ARSJ: variants seen among roughly 807,000 people sequenced by gnomAD.
ARSJ encodes arylsulfatase J.
A neutral mutation model predicts 35.9 loss-of-function variants in ARSJ; 26 were observed. That is an observed-to-expected ratio of 0.72 (90% CI 0.53 to 1.00). The LOEUF is 1.00. ARSJ is among the 50% of genes least tolerant of loss of function. The pLI is 0.00. For synonymous variants in ARSJ, 294 were observed against 267.6 expected, an observed-to-expected ratio of 1.10 and a Z score of -0.96; for missense variants, 667 against 723.6, an observed-to-expected ratio of 0.92 and a Z score of 0.90.
At chr4:113,971,348 T>G (rs2110335516) in intron 1 of ARSJ, among the ~76,000 whole-genome samples, 1 of 152,340 alleles carries the variant, frequency 6.6e-6, no homozygotes, top group Non-Finnish European at 1.5e-5. Context: ...GTCAGCCTTC[T>G]GCGCCTGGAT....
At chr4:113,924,765 T>C (rs918656698) in intron 1 of ARSJ, among the ~76,000 whole-genome samples, 1 of 152,168 alleles carries the variant, frequency 6.6e-6, no homozygotes, top group Non-Finnish European at 1.5e-5. Flanking sequence ...GTGTTATACA[T>C]GCACAAACAT....
At chr4:113,971,476 G>A (rs1401887582) in intron 1 of ARSJ, among the ~76,000 whole-genome samples, 3 of 152,100 alleles carry the variant, frequency 2.0e-5, no homozygotes, top group Non-Finnish European at 1.5e-5. Context: ...GCTTAAGAGT[G>A]TGCCAATAGT....
At chr4:113,964,477 T>C (rs1346716547) in intron 1 of ARSJ, among the ~76,000 whole-genome samples, 1 of 152,116 alleles carries the variant, frequency 6.6e-6, no homozygotes, top group Non-Finnish European at 1.5e-5. Flanking sequence ...ACTTATTTTA[T>C]GAGAGAACAG....
intron 1 of ARSJ, among the ~76,000 whole-genome samples, chr4:113,967,659 T>C (rs1726981081): frequency 6.6e-6 from 1 of 152,182 alleles, no homozygotes; most frequent in Non-Finnish European, 1.5e-5. Flanking sequence ...GAATATGATA[T>C]AATTTAAAAT....
intron 1 of ARSJ, among the ~76,000 whole-genome samples, chr4:113,940,829 A>AT (rs1156558519): frequency 1.3e-5 from 2 of 152,012 alleles, no homozygotes; most frequent in Non-Finnish European, 2.9e-5. Context: ...TTGAATTCAA[A>AT]TTTTTTTACA....
rs1727777073 is a variant in ARSJ at position 113,979,102 on chromosome 4, A to AG, written c.-269dup. ...CCCCTCCCTAGAGCAGCTTCCACCA[A>AG]GGAAAAAAAAAAGAAAAAAGTTAAT... On this transcript the variant is annotated 5_prime_UTR_variant, in exon 1 of 2. Transcript: ENST00000315366. The AG allele has an allele frequency of 4.0e-5, 13 of 324,406 alleles. 1 individual carries two copies. Among genetic ancestry groups the AG allele is most frequent in the Non-Finnish European group, 6.8e-5 (12 of 176,412 alleles). The allele number at this position is 324,406 out of a possible 1,614,324, so 20.1% of individuals were successfully genotyped here. A position where few individuals can be genotyped will look rare whatever the true frequency, so the allele number is the denominator to read the frequency against.
intron 1 of ARSJ, among the ~76,000 whole-genome samples, chr4:113,961,872 C>G (rs1000847155): frequency 6.9e-6 from 1 of 145,462 alleles, no homozygotes; most frequent in African/African-American, 2.6e-5. Flanking sequence ...TGTATGTGTG[C>G]CTGTGTTTGT....
intron 1 of ARSJ, chr4:113,906,525 T>A: frequency 5.0e-6 from 1 of 199,478 alleles, no homozygotes; most frequent in East Asian, 1.5e-4. Context: ...ACATAAAAGT[T>A]TGACAGCAGC....
At chr4:113,918,314 A>G (rs1459734803) in intron 1 of ARSJ, among the ~76,000 whole-genome samples, 6 of 152,182 alleles carry the variant, frequency 3.9e-5, no homozygotes, top group African/African-American at 7.2e-5. Context: ...AAATAATGCT[A>G]CTTTTCTCAG....
intron 1 of ARSJ, among the ~76,000 whole-genome samples, chr4:113,970,156 G>A (rs1727151794): frequency 6.6e-6 from 1 of 152,192 alleles, no homozygotes; most frequent in South Asian, 2.1e-4. Context: ...CCAAAGAAGA[G>A]AGGAAATTGA....
chr4:113,970,943 G>T (rs1727204191), intron 1 of ARSJ: 1 of 151,490 alleles, frequency 6.6e-6, no homozygotes, highest in South Asian at 2.1e-4. Flanking sequence ...CGACACAGCA[G>T]GACCCTATCT....
At chr4:113,955,714 G>A (rs1435888432) in intron 1 of ARSJ, among the ~76,000 whole-genome samples, 2 of 151,948 alleles carry the variant, frequency 1.3e-5, no homozygotes, top group Admixed American at 6.6e-5. Context: ...GGCTTAGGGA[G>A]GTAAAGTGAT....
At chr4:113,905,325 A>C (rs2099668382) in intron 1 of ARSJ, among the ~76,000 whole-genome samples, 1 of 152,254 alleles carries the variant, frequency 6.6e-6, no homozygotes, top group South Asian at 2.1e-4. Context: ...CTTTTTTCAC[A>C]GTGATTTAAC....
At chr4:113,935,445 C>A (rs1724705937) in intron 1 of ARSJ, among the ~76,000 whole-genome samples, 1 of 151,756 alleles carries the variant, frequency 6.6e-6, no homozygotes, top group Non-Finnish European at 1.5e-5. Context: ...AAGGACAAGA[C>A]ATAGAAATGT....
intron 1 of ARSJ, among the ~76,000 whole-genome samples, chr4:113,951,032 G>A (rs1185499907): frequency 6.6e-6 from 1 of 151,968 alleles, no homozygotes; most frequent in Non-Finnish European, 1.5e-5. Context: ...GAAACAAATA[G>A]AAACCAGAAT....
chr4:113,946,749 A>G (rs1275987216), intron 1 of ARSJ, among the ~76,000 whole-genome samples: 1 of 152,138 alleles, frequency 6.6e-6, no homozygotes, highest in Admixed American at 6.6e-5. Context: ...ACACGTTATT[A>G]TAGCTGAGTT....
chr4:113,944,893 T>C (rs1347178966), intron 1 of ARSJ, among the ~76,000 whole-genome samples: 2 of 152,104 alleles, frequency 1.3e-5, no homozygotes, highest in Admixed American at 6.6e-5. Flanking sequence ...TGTATACATA[T>C]ATATATATCC....
intron 1 of ARSJ, among the ~76,000 whole-genome samples, chr4:113,965,118 A>G (rs951775018): frequency 1.3e-5 from 2 of 152,140 alleles, no homozygotes; most frequent in African/African-American, 4.8e-5. Context: ...TCTCTCAATA[A>G]GAGAAACATA....
rs866856585 is a variant in ARSJ, at chr4:113,924,086, T to A, written c.399-20411A>T. On this transcript the variant is annotated intron_variant, in intron 1 of 1. Transcript: ENST00000315366. ...ATATAAATATATATAAATATATATA[T>A]ATATATATATATATATATATATATA... is the stretch of plus-strand genomic sequence containing the variant. 1.7e-3 allele frequency among the ~76,000 whole-genome samples: 210 copies of A among 124,286 alleles called. 8 individuals are homozygous for A. The highest frequency in any genetic ancestry group is 3.0e-3 in the African/African-American group (84 of 27,806). 81.5% of individuals were successfully genotyped at this position (124,286 alleles called of 152,430 possible).
Sources: gnomAD v4.1 joint callset for allele counts (sites outside exome capture counted in the v4.1 genomes callset) on GRCh38, gnomAD v4.1.1 for gene constraint, MANE v1.5 for transcripts, NCBI Gene and HGNC (gene_info 2026-07-23, HGNC 2026-07-21) for gene names.